ZNF33B: variants seen among roughly 807,000 people sequenced by gnomAD.
ZNF33B encodes zinc finger protein 33B.
ZNF33B carries 29 observed loss-of-function variants against 45.8 expected under a neutral mutation model. The observed-to-expected ratio is 0.63, with a 90% CI of 0.47 to 0.86. The LOEUF (loss-of-function observed/expected upper bound fraction) is 0.86, where lower values mean the gene tolerates loss of function less well. ZNF33B is among the 40% of genes least tolerant of loss of function. ZNF33B has a pLI of 0.00. For synonymous variants in ZNF33B, 305 were observed against 307.8 expected (o/e 0.99, Z 0.10); for missense variants, 831 against 909.9 (o/e 0.91, Z 1.12).
chr10:42,621,055 G>A (rs1321164739), intron 4 of ZNF33B, among the ~76,000 whole-genome samples: 1 of 151,904 alleles, frequency 6.6e-6, no homozygotes. Context: ...GCTGGGCATG[G>A]TAGATAGCAC....
At chr10:42,579,415 T>C (rs1322129336) in intron 1 of ZNF33B, among the ~76,000 whole-genome samples, 1 of 152,220 alleles carries the variant, frequency 6.6e-6, no homozygotes, top group Non-Finnish European at 1.5e-5. Context: ...TAATGTTTCA[T>C]TCAATGTCCC....
intron 4 of ZNF33B, among the ~76,000 whole-genome samples, chr10:42,609,132 C>T (rs2132088263): frequency 6.6e-6 from 1 of 152,232 alleles, no homozygotes; most frequent in South Asian, 2.1e-4. Context: ...CTCGCCATTA[C>T]AGGTGGGATG....
chr10:42,604,070 T>C (rs935016809), intron 4 of ZNF33B, among the ~76,000 whole-genome samples: 2 of 152,212 alleles, frequency 1.3e-5, no homozygotes, highest in Non-Finnish European at 2.9e-5. Flanking sequence ...GTCATCTATA[T>C]ACAGGAAAAA....
intron 4 of ZNF33B, among the ~76,000 whole-genome samples, chr10:42,596,762 T>C (rs1336022533): frequency 2.6e-5 from 4 of 152,136 alleles, no homozygotes; most frequent in Admixed American, 2.6e-4. Context: ...AGAAGATTCA[T>C]TTTTACATAT....
intron 4 of ZNF33B, among the ~76,000 whole-genome samples, chr10:42,608,064 C>A (rs1837940383): frequency 6.6e-6 from 1 of 152,052 alleles, no homozygotes; most frequent in South Asian, 2.1e-4. Context: ...TAATATCACA[C>A]AAAATACACT....
chr10:42,612,635 T>G (rs745967393), intron 4 of ZNF33B, among the ~76,000 whole-genome samples: 28 of 152,326 alleles, frequency 1.8e-4, no homozygotes, highest in Middle Eastern at 3.4e-3. Context: ...GCATCTACAT[T>G]CATAAGGGAT....
At chr10:42,583,305 G>A in intron 1 of ZNF33B, 1 of 454,028 alleles carries the variant, frequency 2.2e-6, no homozygotes, top group South Asian at 2.3e-5. Flanking sequence ...GCTTTTCAGA[G>A]GAACCGATTC....
At chr10:42,581,464 CAAAAAAAAAAAAAAA>C (rs10566063) in intron 1 of ZNF33B, 1 of 71,732 alleles carries the variant, frequency 1.4e-5, no homozygotes, top group Non-Finnish European at 2.7e-5. Context: ...AAATCTGTCT[CAAAAAAAAAAAAAAA>C]AAAAAAAAAA....
At chr10:42,625,951 C>T (rs1838788826) in intron 4 of ZNF33B, among the ~76,000 whole-genome samples, 2 of 152,208 alleles carry the variant, frequency 1.3e-5, no homozygotes, top group East Asian at 1.9e-4. Flanking sequence ...AGCAAACATC[C>T]TTGCCTTGTT....
In ZNF33B at chr10:42,590,392, TTAA is replaced by T. The variant is rs1234881733; in HGVS notation, c.*2218_*2220del. 1 of 152,186 alleles carries T rather than the reference TTAA, an allele frequency of 6.6e-6. No individual in the cohort carries two copies. Among genetic ancestry groups the T allele is most frequent in the Non-Finnish European group, 1.5e-5 (1 of 68,052 alleles). 9.4% of individuals were successfully genotyped at this position (152,186 alleles called of 1,614,324 possible). A position where few individuals can be genotyped will look rare whatever the true frequency, so the allele number is the denominator to read the frequency against. ...CTTTTTTTGGAAGGTTTTATTATTATTAATTTTATTGAGATGGAGTCTCACTCT... is the reference window on the plus strand; with the variant it reads ...CTTTTTTTGGAAGGTTTTATTATTATTTTTATTGAGATGGAGTCTCACTCT... On this transcript the variant is annotated 3_prime_UTR_variant, in exon 5 of 5. Transcript: ENST00000359467.
At chr10:42,581,359 G>A (rs1456944494) in intron 1 of ZNF33B, among the ~76,000 whole-genome samples, 1 of 151,404 alleles carries the variant, frequency 6.6e-6, no homozygotes, top group African/African-American at 2.4e-5. Context: ...AACTACTCGG[G>A]AGGCTGAGAC....
intron 1 of ZNF33B, among the ~76,000 whole-genome samples, chr10:42,576,852 G>T (rs542591633): frequency 5.9e-5 from 9 of 151,994 alleles, no homozygotes; most frequent in Non-Finnish European, 1.3e-4. Flanking sequence ...CCAGTCCAGG[G>T]CCGGGCGCCG....
chr10:42,634,270 G>T (rs372986913), intron 2 of ZNF33B, among the ~76,000 whole-genome samples: 31 of 152,174 alleles, frequency 2.0e-4, no homozygotes, highest in African/African-American at 7.0e-4. Context: ...AGCCAGGCGT[G>T]GGGGCAGGTG....
intron 1 of ZNF33B, among the ~76,000 whole-genome samples, chr10:42,580,637 GTGTC>G (rs1254827701): frequency 6.6e-6 from 1 of 151,724 alleles, no homozygotes; most frequent in Non-Finnish European, 1.5e-5. Context: ...AAAAATAAAA[GTGTC>G]TGGGAGCGGT....
At position 42,589,811 on chromosome 10, in the gene ZNF33B, T is replaced by G. The variant is rs565792929; in HGVS notation, c.*2802A>C. ...TTATTTCCTTTTTTTTTGGTATCAC[T>G]GCATTAGATAGCACTTCCAGTACAA... On this transcript the variant is annotated 3_prime_UTR_variant, in exon 5 of 5. Transcript: ENST00000359467. 1 of 152,338 alleles carries G rather than the reference T, an allele frequency of 6.6e-6. No homozygotes were observed. Among genetic ancestry groups the G allele is most frequent in the Non-Finnish European group, 1.5e-5 (1 of 68,032 alleles). 9.4% of individuals were successfully genotyped at this position (152,338 alleles called of 1,614,324 possible).
At chr10:42,599,138 T>C (rs1206624404) in intron 4 of ZNF33B, among the ~76,000 whole-genome samples, 1 of 152,168 alleles carries the variant, frequency 6.6e-6, no homozygotes, top group Non-Finnish European at 1.5e-5. Flanking sequence ...ATTCCCTCAC[T>C]TCCTTCATAA....
intron 1 of ZNF33B, among the ~76,000 whole-genome samples, chr10:42,578,935 G>A (rs1342307601): frequency 6.6e-6 from 1 of 152,212 alleles, no homozygotes; most frequent in Non-Finnish European, 1.5e-5. Context: ...ATTTTACAAG[G>A]AGTGACATAG....
chr10:42,617,529 C>T (rs1405387713), intron 4 of ZNF33B, among the ~76,000 whole-genome samples: 3 of 152,202 alleles, frequency 2.0e-5, no homozygotes, highest in Non-Finnish European at 4.4e-5. Context: ...CAAAAACTGA[C>T]ATTGATTCAT....
chr10:42,636,722 A>G, intron 2 of ZNF33B, 198 bp downstream of exon 2: 1 of 653,258 alleles, frequency 1.5e-6, no homozygotes, highest in Non-Finnish European at 2.6e-6. Flanking sequence ...CGGGAGGCTG[A>G]GGCAGGTGAA....
Sources: gnomAD v4.1 joint callset for allele counts (sites outside exome capture counted in the v4.1 genomes callset) on GRCh38, gnomAD v4.1.1 for gene constraint, MANE v1.5 for transcripts, NCBI Gene and HGNC (gene_info 2026-07-23, HGNC 2026-07-21) for gene names.